The following CHSY3 variants were observed in gnomAD, a reference collection of about 807,000 sequenced individuals.
CHSY3 encodes the protein chondroitin sulfate synthase 3.
CHSY3 carries 35 observed loss-of-function variants against 67.2 expected under a neutral mutation model. The ratio of observed to expected loss-of-function variants is 0.52; its 90% confidence interval spans 0.40 to 0.69. The LOEUF (loss-of-function observed/expected upper bound fraction) is 0.69, where lower values mean the gene tolerates loss of function less well. CHSY3 is among the 30% of genes least tolerant of loss of function. CHSY3 has a pLI of 0.00. For missense variants in CHSY3, 1,069 were observed against 1,138.5 expected, an observed-to-expected ratio of 0.94 and a Z score of 0.88; for synonymous variants, 474 against 434.7, an observed-to-expected ratio of 1.09 and a Z score of -1.12.
chr5:129,980,342 C>T (rs1463493646), intron 2 of CHSY3, among the ~76,000 whole-genome samples: 1 of 152,092 alleles, frequency 6.6e-6, no homozygotes, highest in South Asian at 2.1e-4. Flanking sequence ...TAATGTGGAG[C>T]GTATTTTCAC....
At chr5:130,053,674 G>A (rs1765437909) in intron 2 of CHSY3, among the ~76,000 whole-genome samples, 1 of 152,042 alleles carries the variant, frequency 6.6e-6, no homozygotes, top group Non-Finnish European at 1.5e-5. Flanking sequence ...TTTATAGCAG[G>A]GGAAGATAAA....
At chr5:130,183,808 G>C (rs1173440009) in intron 2 of CHSY3, among the ~76,000 whole-genome samples, 1 of 151,996 alleles carries the variant, frequency 6.6e-6, no homozygotes, top group Non-Finnish European at 1.5e-5. Flanking sequence ...AGTTAGATAG[G>C]AGGAATAAAT....
chr5:130,013,696 C>T (rs1580648856), intron 2 of CHSY3, among the ~76,000 whole-genome samples: 2 of 152,176 alleles, frequency 1.3e-5, no homozygotes, highest in African/African-American at 4.8e-5. Flanking sequence ...GGCCCTTGAC[C>T]TAGCCCATGA....
intron 2 of CHSY3, among the ~76,000 whole-genome samples, chr5:129,916,229 C>T (rs928542250): frequency 6.6e-6 from 1 of 152,142 alleles, no homozygotes; most frequent in Non-Finnish European, 1.5e-5. Context: ...CTGGTGAGAA[C>T]CCAGAGTGTG....
intron 2 of CHSY3, among the ~76,000 whole-genome samples, chr5:130,054,499 C>T (rs1765463774): frequency 6.6e-6 from 1 of 152,094 alleles, no homozygotes; most frequent in East Asian, 1.9e-4. Flanking sequence ...GGCCCAGAGC[C>T]CCATGGCCTC....
At chr5:130,001,818 T>G (rs1195667839) in intron 2 of CHSY3, 1 of 826,888 alleles carries the variant, frequency 1.2e-6, no homozygotes, top group East Asian at 1.2e-4. Context: ...AATACAAATA[T>G]CTATTTTCCT....
intron 2 of CHSY3, among the ~76,000 whole-genome samples, chr5:130,013,326 C>G (rs1764121587): frequency 6.6e-6 from 1 of 152,176 alleles, no homozygotes; most frequent in South Asian, 2.1e-4. Context: ...CCTCTTCTCA[C>G]AGCTCCACCA....
chr5:130,098,471 ACT>A (rs1767123482), intron 2 of CHSY3, among the ~76,000 whole-genome samples: 1 of 151,976 alleles, frequency 6.6e-6, no homozygotes, highest in African/African-American at 2.4e-5. Context: ...TTAAATTCTC[ACT>A]CTCTCTGCCC....
rs796088405 is a variant in CHSY3 at position 130,100,357 on chromosome 5, T to TA, written c.1087-83872_1087-83871insA. 1.1e-3 allele frequency among the ~76,000 whole-genome samples: 163 copies of TA among 151,296 alleles called. 1 individual carries two copies. Among genetic ancestry groups the TA allele is most frequent in the African/African-American group, 3.8e-3 (156 of 41,302 alleles). On this transcript the variant is annotated intron_variant, in intron 2 of 2. Transcript: ENST00000305031. Reference sequence around the variant, plus strand: ...CCACCACCATGCTTGGCTATTTTTTTTTTTTTTTTTTGTATTTTTAGTAGA... The same window carrying TA: ...CCACCACCATGCTTGGCTATTTTTTTATTTTTTTTTTTGTATTTTTAGTAGA...
chr5:129,946,263 A>G (rs1370571109), intron 2 of CHSY3, among the ~76,000 whole-genome samples: 1 of 152,216 alleles, frequency 6.6e-6, no homozygotes, highest in Admixed American at 6.5e-5. Context: ...TCTAAAGAAT[A>G]CTTTTAAGGT....
intron 2 of CHSY3, among the ~76,000 whole-genome samples, chr5:130,000,997 T>G (rs1580635128): frequency 6.6e-6 from 1 of 151,528 alleles, no homozygotes; most frequent in East Asian, 1.9e-4. Context: ...TTCAAACGAT[T>G]CTCCTGCCTC....
chr5:129,938,253 A>T (rs1761574075), intron 2 of CHSY3, among the ~76,000 whole-genome samples: 1 of 152,232 alleles, frequency 6.6e-6, no homozygotes, highest in South Asian at 2.1e-4. Context: ...AAGGGGGCCT[A>T]TGAAACCATT....
chr5:130,017,115 T>G (rs561445730), intron 2 of CHSY3, among the ~76,000 whole-genome samples: 1 of 152,292 alleles, frequency 6.6e-6, no homozygotes, highest in Non-Finnish European at 1.5e-5. Context: ...AAGGTTCTAC[T>G]TTTTAAAATT....
intron 2 of CHSY3, among the ~76,000 whole-genome samples, chr5:129,990,926 C>A (rs889687569): frequency 6.6e-6 from 1 of 151,898 alleles, no homozygotes; most frequent in Non-Finnish European, 1.5e-5. Context: ...AGCACATAAC[C>A]CAGCCTATCC....
At chr5:129,981,050 C>A (rs1190415579) in intron 2 of CHSY3, among the ~76,000 whole-genome samples, 104 of 130,884 alleles carry the variant, frequency 7.9e-4, no homozygotes, top group South Asian at 1.3e-3. Flanking sequence ...ACTGAAAATA[C>A]AAAAAAAAAA....
At chr5:129,912,550 C>T (rs1352814447) in intron 2 of CHSY3, among the ~76,000 whole-genome samples, 1 of 152,166 alleles carries the variant, frequency 6.6e-6, no homozygotes, top group Non-Finnish European at 1.5e-5. Context: ...TCTCTGTCTT[C>T]TCTGCTCACT....
At chr5:129,935,837 C>T (rs1177005157) in intron 2 of CHSY3, among the ~76,000 whole-genome samples, 1 of 152,112 alleles carries the variant, frequency 6.6e-6, no homozygotes, top group African/African-American at 2.4e-5. Context: ...AGACAGTATC[C>T]ATCTTCAAAG....
At chr5:129,980,928 C>T (rs531454133) in intron 2 of CHSY3, among the ~76,000 whole-genome samples, 3 of 151,860 alleles carry the variant, frequency 2.0e-5, no homozygotes, top group East Asian at 3.9e-4. Context: ...AAAGATCGGC[C>T]GGGCGCGGTG....
At position 129,971,395 on chromosome 5, in the gene CHSY3, A is replaced by T. The variant is rs183381625; in HGVS notation, c.1086+63035A>T. On this transcript the variant is annotated intron_variant, in intron 2 of 2. Coordinates refer to ENST00000305031, the MANE Select transcript of CHSY3 (RefSeq NM_175856.5). ...CCATGCACTAATTTTATTAAAATTAATAAAATAATTTAATCTTTAGCTATG... is the reference window on the plus strand; with the variant it reads ...CCATGCACTAATTTTATTAAAATTATTAAAATAATTTAATCTTTAGCTATG... Among the ~76,000 whole-genome samples the T allele has an allele frequency of 5.8e-4, 88 of 151,978 alleles. 1 individual carries two copies. The East Asian group carries it at 0.014, about 24-fold the overall frequency.
Sources: gnomAD v4.1 joint callset for allele counts (sites outside exome capture counted in the v4.1 genomes callset) on GRCh38, gnomAD v4.1.1 for gene constraint, MANE v1.5 for transcripts, NCBI Gene and HGNC (gene_info 2026-07-23, HGNC 2026-07-21) for gene names.